Variants in SCARB2 observed in about 807,000 individuals in gnomAD.
SCARB2 encodes the protein lysosome membrane protein 2.
SCARB2 carries 29 observed loss-of-function variants against 58.6 expected under a neutral mutation model. The observed-to-expected ratio is 0.49, with a 90% CI of 0.37 to 0.67. The LOEUF is 0.67. Among genes scored for constraint, SCARB2 ranks in the 30% least tolerant of loss-of-function variants. The pLI, the probability that SCARB2 is intolerant of heterozygous loss-of-function variation, is 0.00. For missense variants in SCARB2, 488 were observed against 578.5 expected (o/e 0.84, Z 1.60); for synonymous variants, 195 against 210.1 (o/e 0.93, Z 0.62).
At chr4:76,169,759 T>C in intron 8 of SCARB2, 108 bp downstream of exon 8, 1 of 910,800 alleles carries the variant, frequency 1.1e-6, no homozygotes, top group Non-Finnish European at 1.8e-6. Context: ...CTTGAATATG[T>C]ATATGAAAGT....
At chr4:76,224,988 A>G (rs1733370045) in intron 1 of SCARB2, among the ~76,000 whole-genome samples, 1 of 151,812 alleles carries the variant, frequency 6.6e-6, no homozygotes, top group Admixed American at 6.6e-5. Context: ...ATAGCTTAGC[A>G]TCTTATATGC....
At chr4:76,176,588 T>A in intron 4 of SCARB2, 60 bp from the exon 5 acceptor site, 1 of 1,181,506 alleles carries the variant, frequency 8.5e-7, no homozygotes, top group Non-Finnish European at 1.3e-6. Context: ...ACAACTTGGC[T>A]AGACTATGGT....
Position 76,159,678 on chromosome 4 carries a change from T to C in SCARB2, c.*2035A>G, listed in dbSNP as rs6841815. 0.25 allele frequency: 38,697 copies of C among 152,140 alleles called. 6,598 individuals carry two copies. Among genetic ancestry groups the C allele is most frequent in the African/African-American group, 0.49 (20,161 of 41,438 alleles). 9.4% of individuals were successfully genotyped at this position (152,140 alleles called of 1,614,324 possible). Reference sequence around the variant, plus strand: ...CAGAGGTTGCAGTGAGCCGAGATCATGCCACTGTACTCCAGCCTGGCGACA... The same window carrying C: ...CAGAGGTTGCAGTGAGCCGAGATCACGCCACTGTACTCCAGCCTGGCGACA... On this transcript the variant is annotated 3_prime_UTR_variant, in exon 12 of 12. Coordinates refer to ENST00000264896, the MANE Select transcript of SCARB2 (RefSeq NM_005506.4).
At chr4:76,211,207 T>C (rs12640185) in intron 1 of SCARB2, among the ~76,000 whole-genome samples, 78,314 of 152,036 alleles carry the variant, frequency 0.52, 21,524 homozygotes, top group East Asian at 0.99. Context: ...ATTTGGGATA[T>C]AGAATGAGGT....
chr4:76,172,546 C>A (rs181108183), intron 7 of SCARB2, among the ~76,000 whole-genome samples: 2 of 152,112 alleles, frequency 1.3e-5, no homozygotes, highest in African/African-American at 4.8e-5. Flanking sequence ...ATCCACCATG[C>A]CTCACCAATA....
At chr4:76,165,828 C>A in intron 10 of SCARB2, 1 of 209,068 alleles carries the variant, frequency 4.8e-6, no homozygotes, top group Non-Finnish European at 9.7e-6. Context: ...CTACAGTAAA[C>A]GTGATATGTG....
In SCARB2 at chr4:76,169,902, G is replaced by T. The variant is rs2109937757; in HGVS notation, c.1078C>A (p.Gln360Lys). 6.2e-7 allele frequency: 1 copy of T among 1,614,048 alleles called. No homozygotes were observed. Among genetic ancestry groups the T allele is most frequent in the South Asian group, 1.1e-5 (1 of 91,078 alleles). Residue 360 changes from glutamine to lysine, a missense_variant, in exon 8 of 12, where the codon CAG (glutamine) becomes AAG (lysine). Transcript: ENST00000264896. Reference protein sequence around the residue: ...VSAIEGMHPNQEDHETFVDIN... With the variant: ...VSAIEGMHPNKEDHETFVDIN... ...TCCACAAATGTCTCATGGTCTTCCT[G>T]ATTTGGGTGCATGCCTTCTATGGCA...
chr4:76,205,629 GCCT>G (rs1732915778), intron 1 of SCARB2, among the ~76,000 whole-genome samples: 1 of 152,172 alleles, frequency 6.6e-6, no homozygotes, highest in Admixed American at 6.5e-5. Context: ...ATGGCACTCT[GCCT>G]CACACTGTCT....
intron 11 of SCARB2, chr4:76,161,978 A>C (rs920597449): frequency 1.7e-6 from 1 of 596,546 alleles, no homozygotes; most frequent in Non-Finnish European, 3.0e-6. Context: ...ATACCAGAGC[A>C]GTACCCTTCT....
intron 11 of SCARB2, chr4:76,163,004 C>T: frequency 1.6e-6 from 1 of 620,854 alleles, no homozygotes; most frequent in Non-Finnish European, 2.8e-6. Context: ...GATTCTATTC[C>T]CCAAATATTA....
rs901295724 is a variant in SCARB2 at position 76,169,442 on chromosome 4, G to T, written c.1113+425C>A. Reference sequence around the variant, plus strand: ...AAGAAGTTTGCCAAAAGTGACTGAGGTTAATATACATATTCATATTTCAAC... The same window carrying T: ...AAGAAGTTTGCCAAAAGTGACTGAGTTTAATATACATATTCATATTTCAAC... On this transcript the variant is annotated intron_variant, in intron 8 of 11. Coordinates refer to ENST00000264896, the MANE Select transcript of SCARB2 (RefSeq NM_005506.4). 3.3e-5 allele frequency among the ~76,000 whole-genome samples: 5 copies of T among 152,144 alleles called. No homozygotes were observed. In the South Asian group the frequency reaches 1.0e-3, roughly 32 times the overall value.
At chr4:76,226,956 T>G (rs1733408712) in intron 1 of SCARB2, among the ~76,000 whole-genome samples, 1 of 152,160 alleles carries the variant, frequency 6.6e-6, no homozygotes, top group African/African-American at 2.4e-5. Flanking sequence ...TCAATTTTGT[T>G]TATCATTTCA....
At chr4:76,191,820 G>A (rs967329407) in intron 2 of SCARB2, 7 of 148,938 alleles carry the variant, frequency 4.7e-5, no homozygotes, top group African/African-American at 1.7e-4. Flanking sequence ...ACCCAGGCTG[G>A]AGTATAGTGG....
At chr4:76,162,104 T>C (rs1445312967) in intron 11 of SCARB2, 2 of 301,908 alleles carry the variant, frequency 6.6e-6, no homozygotes, top group Non-Finnish European at 1.3e-5. Flanking sequence ...TCCTTGCTTG[T>C]TGAATATATG....
chr4:76,232,578 A>G (rs796647370), intron 1 of SCARB2, among the ~76,000 whole-genome samples: 3 of 152,366 alleles, frequency 2.0e-5, no homozygotes, highest in African/African-American at 7.2e-5. Context: ...TAACTTAGAC[A>G]TTAGAATTTT....
At chr4:76,214,385 C>A, upstream of SCARB2, 4 of 424,616 alleles carry the variant, frequency 9.4e-6, no homozygotes, top group Middle Eastern at 3.5e-4. Flanking sequence ...GGAAGATGTG[C>A]AAAAAAGGGA....
rs1235457981 is a variant in SCARB2, at chr4:76,158,849, T to C, written c.*2864A>G. 2.6e-5 allele frequency: 4 copies of C among 152,234 alleles called. No individual in the cohort carries two copies. The highest frequency in any genetic ancestry group is 9.7e-5 in the African/African-American group (4 of 41,450). 9.4% of individuals were successfully genotyped at this position (152,234 alleles called of 1,614,324 possible). A position where few individuals can be genotyped will look rare whatever the true frequency, so the allele number is the denominator to read the frequency against. ...AACTGTATAAGCTACATGAAGAGCA[T>C]TCTGGTCAGTATTCTTGTTAACAGG... On this transcript the variant is annotated 3_prime_UTR_variant, in exon 12 of 12. Coordinates refer to ENST00000264896, the MANE Select transcript of SCARB2 (RefSeq NM_005506.4).
chr4:76,173,781 A>G lies in SCARB2; in HGVS notation c.994+363T>C, dbSNP rs1452763773. On this transcript the variant is annotated intron_variant, in intron 7 of 11. Coordinates refer to ENST00000264896, the MANE Select transcript of SCARB2 (RefSeq NM_005506.4). ...TTATTACTGTTAAGACTTCTAAACC[A>G]CTGTCCAGAAAAAAAAACACAACAT... 1.6e-5 allele frequency: 5 copies of G among 313,570 alleles called. No individual in the cohort carries two copies. In the East Asian group the frequency reaches 4.1e-4, roughly 25 times the overall value. The allele number at this position is 313,570 out of a possible 1,614,324, so 19.4% of individuals were successfully genotyped here. A position where few individuals can be genotyped will look rare whatever the true frequency, so the allele number is the denominator to read the frequency against.
At chr4:76,179,122 C>CA in intron 4 of SCARB2, 1 of 237,862 alleles carries the variant, frequency 4.2e-6, no homozygotes, top group South Asian at 5.5e-5. Flanking sequence ...GGTGTAATTT[C>CA]AGCTCACTGC....
Sources: gnomAD v4.1 joint callset for allele counts (sites outside exome capture counted in the v4.1 genomes callset) on GRCh38, gnomAD v4.1.1 for gene constraint, MANE v1.5 for transcripts, NCBI Gene and HGNC (gene_info 2026-07-23, HGNC 2026-07-21) for gene names.